Variants in UBE2O observed in about 807,000 individuals in gnomAD.
UBE2O encodes the protein ubiquitin conjugating enzyme E2 O.
Under a neutral mutation model 125.8 loss-of-function variants are expected in UBE2O, and 15 were observed. The observed-to-expected ratio is 0.12, with a 90% CI of 0.08 to 0.18. The LOEUF is 0.18. Ranked by LOEUF, UBE2O falls within the 10% of genes least tolerant of loss-of-function variation. The pLI, the probability that UBE2O is intolerant of heterozygous loss-of-function variation, is 1.00. For synonymous variants in UBE2O, 708 were observed against 703.2 expected (o/e 1.01, Z -0.11); for missense variants, 1,280 against 1,723.6 (o/e 0.74, Z 4.56).
chr17:76,421,667 G>A (rs1055366679), intron 1 of UBE2O, among the ~76,000 whole-genome samples: 2 of 152,178 alleles, frequency 1.3e-5, no homozygotes, highest in South Asian at 2.1e-4. Flanking sequence ...GCCCGGCCCT[G>A]AGTGACTATT....
chr17:76,416,613 C>T (rs529686564), intron 1 of UBE2O, among the ~76,000 whole-genome samples: 83 of 152,284 alleles, frequency 5.5e-4, no homozygotes, highest in Middle Eastern at 6.8e-3. Context: ...CCAACCTCCC[C>T]GCGCTTCTCA....
intron 15 of UBE2O, among the ~76,000 whole-genome samples, chr17:76,394,663 TA>T (rs371513273): frequency 1.4e-3 from 219 of 151,780 alleles, no homozygotes; most frequent in Middle Eastern, 6.8e-3. Context: ...TGTAAAAGTA[TA>T]AAAAAAAGGT....
At chr17:76,439,023 T>C (rs966202121) in intron 1 of UBE2O, among the ~76,000 whole-genome samples, 1 of 152,180 alleles carries the variant, frequency 6.6e-6, no homozygotes, top group African/African-American at 2.4e-5. Flanking sequence ...GTAAGTCCTC[T>C]TTATGTAAAA....
chr17:76,411,079 C>T (rs2072509036), intron 1 of UBE2O, among the ~76,000 whole-genome samples: 1 of 152,148 alleles, frequency 6.6e-6, no homozygotes, highest in South Asian at 2.1e-4. Flanking sequence ...CACTCTGTCG[C>T]CCAGGCTGGA....
At chr17:76,437,461 AAAAG>A (rs2073016859) in intron 1 of UBE2O, among the ~76,000 whole-genome samples, 1 of 151,788 alleles carries the variant, frequency 6.6e-6, no homozygotes, top group African/African-American at 2.4e-5. Flanking sequence ...AAAAAAAAAA[AAAAG>A]AAAAAGAAAA....
rs777756089 is a variant in UBE2O, at chr17:76,396,638, C to A, written c.2299G>T (p.Val767Leu). The A allele has an allele frequency of 6.2e-7, 1 of 1,613,428 alleles. No homozygotes were observed. Among genetic ancestry groups the A allele is most frequent in the South Asian group, 1.1e-5 (1 of 91,026 alleles). Residue 767 changes from valine to leucine, a missense_variant, in exon 14 of 18, where the codon GTG (valine) becomes TTG (leucine). By Grantham distance (32) the Val-to-Leu change is conservative. Transcript: ENST00000319380. The surrounding 1 kb of genome is among the most constrained non-coding windows in gnomAD (Gnocchi z 6.7). ...ACCACTCCCTTGTCCTCAGGGGCCA[C>A]CGGCTGCTCCAGGGGTGGGATGGGG... is the stretch of plus-strand genomic sequence containing the variant. Reference protein sequence around the residue: ...EPPIPPLEQPVAPEDKGVVIS... With the variant: ...EPPIPPLEQPLAPEDKGVVIS...
intron 1 of UBE2O, among the ~76,000 whole-genome samples, chr17:76,438,505 C>T (rs920233680): frequency 1.3e-5 from 2 of 152,152 alleles, no homozygotes; most frequent in Non-Finnish European, 2.9e-5. Context: ...GAAACACATG[C>T]TTTACCTGTT....
intron 3 of UBE2O, among the ~76,000 whole-genome samples, chr17:76,403,639 T>C (rs1355202311): frequency 1.3e-5 from 2 of 152,178 alleles, no homozygotes; most frequent in Non-Finnish European, 2.9e-5. Flanking sequence ...GATGTGTGTA[T>C]ACATATAATA....
rs750941760 is a variant in UBE2O at position 76,391,888 on chromosome 17, G to C, written c.3150+22C>G. 1 of 1,613,378 alleles carries C rather than the reference G, an allele frequency of 6.2e-7. No homozygotes were observed. The highest frequency in any genetic ancestry group is 1.1e-5 in the South Asian group (1 of 91,006). On this transcript the variant is annotated intron_variant, in intron 16 of 17. Coordinates refer to ENST00000319380, the MANE Select transcript of UBE2O (RefSeq NM_022066.4). The surrounding 1 kb of genome is among the most constrained non-coding windows in gnomAD (Gnocchi z 8.4). Reference sequence around the variant, plus strand: ...CAGTGGCTCTTCCTCCTTCTTGGCTGGGGGCCTGGCCCTATACTCACCTTT... The same window carrying C: ...CAGTGGCTCTTCCTCCTTCTTGGCTCGGGGCCTGGCCCTATACTCACCTTT...
chr17:76,432,665 T>C (rs1253867235), intron 1 of UBE2O, among the ~76,000 whole-genome samples: 2 of 152,200 alleles, frequency 1.3e-5, no homozygotes, highest in Non-Finnish European at 2.9e-5. Flanking sequence ...GACAGGCACC[T>C]GCCACAAGAG....
rs1329926005 is a variant in UBE2O at position 76,399,054 on chromosome 17, A to G, written c.1629-63T>C. 1 of 1,577,290 alleles carries G rather than the reference A, an allele frequency of 6.3e-7. No homozygotes were observed. Among genetic ancestry groups the G allele is most frequent in the Non-Finnish European group, 8.6e-7 (1 of 1,162,644 alleles). On this transcript the variant is annotated intron_variant, in intron 9 of 17. Transcript: ENST00000319380. The surrounding 1 kb of genome is among the most constrained non-coding windows in gnomAD (Gnocchi z 6.9). ...CACCCCCTCCGCGGAAAGGGCAGAG[A>G]GTCTTTCTGTCCCTTCCTGTCCCTG...
intron 3 of UBE2O, among the ~76,000 whole-genome samples, chr17:76,403,276 T>C (rs1292735881): frequency 6.6e-6 from 1 of 152,098 alleles, no homozygotes; most frequent in Non-Finnish European, 1.5e-5. Flanking sequence ...TACTTTATTA[T>C]TATTTTTTTT....
intron 1 of UBE2O, among the ~76,000 whole-genome samples, chr17:76,439,544 C>T (rs2073049094): frequency 2.6e-5 from 4 of 152,142 alleles, no homozygotes. Context: ...AGAATGTATG[C>T]CCAGGCATTC....
At chr17:76,420,806 ACT>A (rs768880181) in intron 1 of UBE2O, among the ~76,000 whole-genome samples, 5 of 151,846 alleles carry the variant, frequency 3.3e-5, no homozygotes, top group Admixed American at 6.6e-5. Context: ...CCTGCCACAC[ACT>A]GTTTATGTCT....
At chr17:76,397,362 G>A (rs774908479) in intron 13 of UBE2O, among the ~76,000 whole-genome samples, 2 of 152,222 alleles carry the variant, frequency 1.3e-5, no homozygotes, top group East Asian at 1.9e-4. Flanking sequence ...ACCAGGAGGC[G>A]AGGGAAGGAG....
rs2143729919 is a variant in UBE2O at position 76,405,370 on chromosome 17, G to C, written c.478-54C>G. 6.5e-7 allele frequency: 1 copy of C among 1,545,332 alleles called. No individual in the cohort carries two copies. Among genetic ancestry groups the C allele is most frequent in the Non-Finnish European group, 8.9e-7 (1 of 1,125,914 alleles). ...CGTGGTGCAGCAGCCCTGGTCACCAGGGGAGACCCAGCCCAGGCAACCCCA... is the reference window on the plus strand; with the variant it reads ...CGTGGTGCAGCAGCCCTGGTCACCACGGGAGACCCAGCCCAGGCAACCCCA... On this transcript the variant is annotated intron_variant, in intron 2 of 17. Coordinates refer to ENST00000319380, the MANE Select transcript of UBE2O (RefSeq NM_022066.4). The surrounding 1 kb of genome is among the most constrained non-coding windows in gnomAD (Gnocchi z 6.1).
chr17:76,420,996 A>G (rs1435162785), intron 1 of UBE2O, among the ~76,000 whole-genome samples: 1 of 152,180 alleles, frequency 6.6e-6, no homozygotes, highest in African/African-American at 2.4e-5. Flanking sequence ...TTCTAAGCCA[A>G]GATTTCCAAC....
rs1332961255 is a variant in UBE2O at position 76,398,394 on chromosome 17, G to C, written c.1897-11C>G. On this transcript the variant is annotated splice_polypyrimidine_tract_variant and intron_variant, in intron 11 of 17. Coordinates refer to ENST00000319380, the MANE Select transcript of UBE2O (RefSeq NM_022066.4). The surrounding 1 kb of genome is among the most constrained non-coding windows in gnomAD (Gnocchi z 5.4). The stretch of plus-strand genomic sequence containing the variant: ...CTCTTCTCCAATCAGCTGTGGCACA[G>C]GACAGGTTGTCATGAGCTAGGGGTC... The C allele has an allele frequency of 6.2e-7, 1 of 1,614,112 alleles. No homozygotes were observed. Among genetic ancestry groups the C allele is most frequent in the East Asian group, 2.2e-5 (1 of 44,882 alleles).
Position 76,452,719 on chromosome 17 carries a change from C to T in UBE2O, c.417+6G>A. 4 of 1,411,658 alleles carry T rather than the reference C, an allele frequency of 2.8e-6. No individual in the cohort carries two copies. The highest frequency in any genetic ancestry group is 2.9e-5 in the East Asian group (1 of 34,088). The allele number at this position is 1,411,658 out of a possible 1,614,324, so 87.4% of individuals were successfully genotyped here. Reference sequence around the variant, plus strand: ...GCCCGCGCCGCCCAGCCCCCGCCCGCCGCACCTTGGTCTCCTTCACATGCT... The same window carrying T: ...GCCCGCGCCGCCCAGCCCCCGCCCGTCGCACCTTGGTCTCCTTCACATGCT... On this transcript the variant is annotated splice_donor_region_variant and intron_variant, in intron 1 of 17. Coordinates refer to ENST00000319380, the MANE Select transcript of UBE2O (RefSeq NM_022066.4). This position sits in a 1 kb window ranked among gnomAD's most constrained non-coding sequence, Gnocchi z 4.4.
Sources: allele counts gnomAD v4.1 joint callset (sites outside exome capture counted in the v4.1 genomes callset), GRCh38; gene constraint gnomAD v4.1.1; non-coding constraint Gnocchi (gnomAD v3.1); transcripts MANE v1.5; gene names NCBI Gene and HGNC (gene_info 2026-07-23, HGNC 2026-07-21).